NBAS: variants seen among roughly 807,000 people sequenced by gnomAD.
NBAS encodes NBAS subunit of NRZ tethering complex.
NBAS carries 219 observed loss-of-function variants against 302.5 expected under a neutral mutation model. The ratio of observed to expected loss-of-function variants is 0.72; its 90% CI spans 0.65 to 0.81. NBAS has a LOEUF of 0.81. NBAS is among the 30% of genes least tolerant of loss of function. The pLI, the probability that NBAS is intolerant of heterozygous loss-of-function variation, is 0.00. For missense variants in NBAS, 2,932 were observed against 2,841.6 expected (o/e 1.03, Z -0.72); for synonymous variants, 1,118 against 1,021.6 (o/e 1.09, Z -1.80).
chr2:14,968,707 A>C, the NBAS span, among the ~76,000 whole-genome samples: 1 of 152,254 alleles, frequency 6.6e-6, no homozygotes, highest in Non-Finnish European at 1.5e-5. Context: ...TAGTCTTCCA[A>C]GAATGAGGAG....
At chr2:15,360,507 A>G (rs1193295838) in intron 32 of NBAS, among the ~76,000 whole-genome samples, 1 of 151,976 alleles carries the variant, frequency 6.6e-6, no homozygotes. Flanking sequence ...CACCACACCC[A>G]GGAAATTTTT....
At chr2:14,840,248 A>G in the NBAS span, among the ~76,000 whole-genome samples, 27 of 151,998 alleles carry the variant, frequency 1.8e-4, no homozygotes, top group Non-Finnish European at 3.5e-4. Flanking sequence ...AGGATAAAAA[A>G]GAATGAAAAT....
chr2:15,313,796 T>A (rs1190764177), intron 38 of NBAS, among the ~76,000 whole-genome samples: 3 of 152,218 alleles, frequency 2.0e-5, no homozygotes, highest in Non-Finnish European at 2.9e-5. Flanking sequence ...CCAAGCCAGC[T>A]GGAGAATGTG....
the NBAS span, among the ~76,000 whole-genome samples, chr2:15,140,613 C>T: frequency 6.6e-6 from 1 of 152,160 alleles, no homozygotes; most frequent in African/African-American, 2.4e-5. Flanking sequence ...GCTATTCAAA[C>T]AGGAAGAACT....
intron 6 of NBAS, among the ~76,000 whole-genome samples, chr2:15,549,581 A>G (rs1664276684): frequency 6.6e-6 from 1 of 151,886 alleles, no homozygotes; most frequent in African/African-American, 2.4e-5. Context: ...CAAAAAAATT[A>G]GCTGGGCATG....
chr2:15,072,845 C>T, the NBAS span, among the ~76,000 whole-genome samples: 2 of 152,176 alleles, frequency 1.3e-5, no homozygotes, highest in Non-Finnish European at 2.9e-5. Flanking sequence ...AAGAATAACA[C>T]AGGCCAGGCG....
At chr2:14,980,113 T>C in the NBAS span, among the ~76,000 whole-genome samples, 8 of 152,284 alleles carry the variant, frequency 5.3e-5, no homozygotes, top group African/African-American at 1.9e-4. Flanking sequence ...CCAGTAATGC[T>C]GCAGAAGAGA....
chr2:14,926,657 AC>A, the NBAS span, among the ~76,000 whole-genome samples: 3 of 152,226 alleles, frequency 2.0e-5, no homozygotes, highest in Non-Finnish European at 4.4e-5. Flanking sequence ...TTTTAAATGT[AC>A]AGTGGCAATA....
chr2:14,849,475 C>CAG, the NBAS span, among the ~76,000 whole-genome samples: 10 of 151,496 alleles, frequency 6.6e-5, no homozygotes, highest in East Asian at 1.9e-4. Flanking sequence ...GAAAGTGATG[C>CAG]GGAGAATGGA....
the NBAS span, among the ~76,000 whole-genome samples, chr2:14,790,940 C>T: frequency 2.6e-5 from 4 of 152,176 alleles, no homozygotes; most frequent in African/African-American, 9.7e-5. Context: ...ACAGCAACCT[C>T]CACCTCTCAG....
chr2:14,871,818 G>A, the NBAS span, among the ~76,000 whole-genome samples: 1 of 152,036 alleles, frequency 6.6e-6, no homozygotes, highest in Non-Finnish European at 1.5e-5. Context: ...CAGGTAAGAG[G>A]CCAAAATTGA....
the NBAS span, among the ~76,000 whole-genome samples, chr2:15,114,381 C>A: frequency 2.6e-5 from 4 of 152,150 alleles, no homozygotes; most frequent in African/African-American, 9.7e-5. Context: ...TGTGGCCTAA[C>A]CTACTCTTCT....
In NBAS at chr2:15,327,849, A is replaced by G. The variant is rs193149157; in HGVS notation, c.4483T>C (p.Tyr1495His). 2.2e-4 allele frequency: 347 copies of G among 1,613,648 alleles called. 4 individuals carry two copies. The East Asian group carries it at 7.6e-3, about 36-fold the overall frequency. The change falls in exon 38 of 52, where the codon TAT (tyrosine) becomes CAT (histidine). Residue 1495 changes from tyrosine (Y) to histidine (H), a missense_variant. Transcript: ENST00000281513. ...AAGCTTTCCACTGGAACATGCTGAT[A>G]GGTGTCATAGGTCCCTTCAGACTAC... ...VAESEGTYDT[Y>H]QHVPVESFAE...
downstream of NBAS, among the ~76,000 whole-genome samples, chr2:15,165,674 G>A (rs573260871): frequency 6.5e-4 from 96 of 148,492 alleles, no homozygotes; most frequent in Admixed American, 1.7e-3. Flanking sequence ...TGGGAGTGGG[G>A]TGGACAGGGG....
At chr2:15,160,105 A>T in the NBAS span, among the ~76,000 whole-genome samples, 1 of 152,104 alleles carries the variant, frequency 6.6e-6, no homozygotes. Flanking sequence ...GATCATGGAG[A>T]GCCGTTCAAG....
chr2:14,850,475 T>C, the NBAS span, among the ~76,000 whole-genome samples: 1 of 96,374 alleles, frequency 1.0e-5, no homozygotes, highest in Non-Finnish European at 1.8e-5. Context: ...CACACATTAA[T>C]AATGGAAGAC....
the NBAS span, among the ~76,000 whole-genome samples, chr2:14,977,971 G>A: frequency 2.0e-4 from 31 of 152,062 alleles, no homozygotes; most frequent in East Asian, 5.8e-4. Flanking sequence ...TCTTCTTGCC[G>A]CTGAGGACAG....
At chr2:15,238,181 A>T (rs569653990) in intron 45 of NBAS, among the ~76,000 whole-genome samples, 5 of 152,198 alleles carry the variant, frequency 3.3e-5, no homozygotes, top group African/African-American at 7.2e-5. Flanking sequence ...CCAGGCAGCT[A>T]TCCATTGTTC....
At position 15,554,102 on chromosome 2, in the gene NBAS, G is replaced by A; in HGVS notation, c.246C>T (p.Arg82=). Reference sequence around the variant, plus strand: ...GCCAGTTTATCTGTTTATTAACCAAGCGAACCAGTCCATCAGGGAGCAAAA... The same window carrying A: ...GCCAGTTTATCTGTTTATTAACCAAACGAACCAGTCCATCAGGGAGCAAAA... The part of the protein sequence containing the change: ...APFLLPDGLV[R]LVNKQINWHL... The change falls in exon 4 of 52, where the codon CGC becomes CGT. Residue 82 remains arginine, a synonymous_variant. Transcript: ENST00000281513. 10 of 1,613,914 alleles carry A rather than the reference G, an allele frequency of 6.2e-6. No homozygotes were observed. The highest frequency in any genetic ancestry group is 8.5e-6 in the Non-Finnish European group (10 of 1,179,938).
Sources: gnomAD v4.1 joint callset for allele counts (sites outside exome capture counted in the v4.1 genomes callset) on GRCh38, gnomAD v4.1.1 for gene constraint, MANE v1.5 for transcripts, NCBI Gene and HGNC (gene_info 2026-07-23, HGNC 2026-07-21) for gene names.